The following SPATA16 variants were observed in gnomAD, a reference collection of about 807,000 sequenced individuals.
The protein encoded by SPATA16 is spermatogenesis-associated protein 16.
A neutral mutation model predicts 63.3 loss-of-function variants in SPATA16; 36 were observed. The observed-to-expected ratio is 0.57, with a 90% CI of 0.44 to 0.75. The LOEUF is 0.75. Ranked by LOEUF, SPATA16 falls within the 30% of genes least tolerant of loss-of-function variation. SPATA16 has a pLI of 0.00. For missense variants in SPATA16, 646 were observed against 679.3 expected (o/e 0.95, Z 0.54); for synonymous variants, 203 against 216.7 (o/e 0.94, Z 0.56).
intron 10 of SPATA16, among the ~76,000 whole-genome samples, chr3:172,897,092 C>T (rs1030233944): frequency 1.3e-5 from 2 of 152,042 alleles, no homozygotes; most frequent in Non-Finnish European, 2.9e-5. Flanking sequence ...AAGTCTATAA[C>T]CTAATTTGAG....
chr3:172,916,229 G>C, intron 9 of SPATA16, 88 bp downstream of exon 9: 1 of 1,304,004 alleles, frequency 7.7e-7, no homozygotes, highest in Non-Finnish European at 1.1e-6. Flanking sequence ...TATTACCACA[G>C]GATTTTTTTT....
intron 6 of SPATA16, among the ~76,000 whole-genome samples, chr3:172,939,303 G>C (rs933784319): frequency 6.6e-6 from 1 of 152,050 alleles, no homozygotes; most frequent in Non-Finnish European, 1.5e-5. Context: ...GTAAATATCT[G>C]GTCATAATGT....
At chr3:172,948,097 A>G (rs1733335623) in intron 6 of SPATA16, among the ~76,000 whole-genome samples, 1 of 152,128 alleles carries the variant, frequency 6.6e-6, no homozygotes, top group African/African-American at 2.4e-5. Context: ...GAACTTTCCA[A>G]ACCTAGAGAA....
chr3:173,093,255 A>G (rs1476774933), intron 2 of SPATA16, among the ~76,000 whole-genome samples: 2 of 152,160 alleles, frequency 1.3e-5, no homozygotes, highest in Admixed American at 6.6e-5. Flanking sequence ...TTTCTTTGCT[A>G]ACAAAATATG....
At chr3:173,051,266 G>A (rs1016100955) in intron 2 of SPATA16, among the ~76,000 whole-genome samples, 8 of 152,010 alleles carry the variant, frequency 5.3e-5, no homozygotes, top group Middle Eastern at 3.4e-3. Context: ...GTAGTGGCGC[G>A]ATCTCTCCTC....
At chr3:173,094,930 G>T (rs1484604262) in intron 2 of SPATA16, among the ~76,000 whole-genome samples, 2 of 152,254 alleles carry the variant, frequency 1.3e-5, no homozygotes, top group African/African-American at 4.8e-5. Flanking sequence ...TGGCTACTCA[G>T]TGATTTGGCT....
intron 4 of SPATA16, among the ~76,000 whole-genome samples, chr3:173,002,021 A>G (rs1734839404): frequency 6.6e-6 from 1 of 152,048 alleles, no homozygotes; most frequent in Non-Finnish European, 1.5e-5. Flanking sequence ...AGCTTTTTTT[A>G]TTTATCTGCC....
At chr3:173,017,562 C>T (rs1279483204) in intron 4 of SPATA16, among the ~76,000 whole-genome samples, 1 of 152,164 alleles carries the variant, frequency 6.6e-6, no homozygotes, top group Non-Finnish European at 1.5e-5. Flanking sequence ...GGATTTGTAA[C>T]ATTTGCAATT....
chr3:173,037,650 G>A (rs1735746874), intron 3 of SPATA16, among the ~76,000 whole-genome samples: 1 of 152,058 alleles, frequency 6.6e-6, no homozygotes, highest in African/African-American at 2.4e-5. Flanking sequence ...CATAAGAAAG[G>A]TGTATGTCAC....
At chr3:172,964,827 G>A (rs1486221489) in intron 5 of SPATA16, among the ~76,000 whole-genome samples, 1 of 152,128 alleles carries the variant, frequency 6.6e-6, no homozygotes, top group Non-Finnish European at 1.5e-5. Flanking sequence ...CTCAGAATTT[G>A]TTTTATCTTT....
intron 1 of SPATA16, among the ~76,000 whole-genome samples, chr3:173,128,585 T>G (rs181895497): frequency 2.5e-3 from 374 of 152,340 alleles, no homozygotes; most frequent in African/African-American, 8.6e-3. Flanking sequence ...CACCAGAGGT[T>G]CACATCATGC....
At chr3:173,061,660 C>T (rs768955720) in intron 2 of SPATA16, among the ~76,000 whole-genome samples, 1 of 151,766 alleles carries the variant, frequency 6.6e-6, no homozygotes, top group Non-Finnish European at 1.5e-5. Flanking sequence ...ACTCCCTTAA[C>T]AGGGTGGAAA....
chr3:173,105,751 C>T (rs1229167773), intron 2 of SPATA16, among the ~76,000 whole-genome samples: 1 of 151,720 alleles, frequency 6.6e-6, no homozygotes, highest in African/African-American at 2.4e-5. Context: ...TTTCCTTCCT[C>T]CCTCCCTCTT....
At chr3:172,982,233 C>T (rs1046092042) in intron 4 of SPATA16, among the ~76,000 whole-genome samples, 1 of 152,234 alleles carries the variant, frequency 6.6e-6, no homozygotes, top group Non-Finnish European at 1.5e-5. Flanking sequence ...TTAGAGCTAT[C>T]TCACTGTCCA....
chr3:173,110,632 A>G (rs936793064), intron 2 of SPATA16, among the ~76,000 whole-genome samples: 6 of 151,904 alleles, frequency 3.9e-5, no homozygotes, highest in South Asian at 2.1e-4. Flanking sequence ...TTGATGTTCT[A>G]TGTGAAAGCA....
intron 2 of SPATA16, among the ~76,000 whole-genome samples, chr3:173,083,706 T>A (rs1337465996): frequency 6.6e-6 from 1 of 152,190 alleles, no homozygotes; most frequent in Non-Finnish European, 1.5e-5. Context: ...GTTCACATTG[T>A]TCAGCTCCAA....
At chr3:173,001,513 G>T (rs1734828636) in intron 4 of SPATA16, among the ~76,000 whole-genome samples, 1 of 152,064 alleles carries the variant, frequency 6.6e-6, no homozygotes, top group Admixed American at 6.6e-5. Flanking sequence ...TTACCGTAAG[G>T]ACCTGGTATA....
chr3:173,113,853 C>T (rs539651462), intron 2 of SPATA16, among the ~76,000 whole-genome samples: 11 of 152,340 alleles, frequency 7.2e-5, no homozygotes, highest in Admixed American at 3.9e-4. Context: ...CACACTCTTA[C>T]AGCTGACTTT....
chr3:173,133,295 G>A (rs1175433232), intron 1 of SPATA16, among the ~76,000 whole-genome samples: 1 of 152,218 alleles, frequency 6.6e-6, no homozygotes, highest in African/African-American at 2.4e-5. Flanking sequence ...AAAGCTGAAA[G>A]GGGAAGAAGG....
Sources: gnomAD v4.1 joint callset for allele counts (sites outside exome capture counted in the v4.1 genomes callset) on GRCh38, gnomAD v4.1.1 for gene constraint, MANE v1.5 for transcripts, NCBI Gene and HGNC (gene_info 2026-07-23, HGNC 2026-07-21) for gene names.